Variants in FHOD3 observed in about 807,000 individuals in gnomAD.
FHOD3 encodes formin homology 2 domain containing 3.
A neutral mutation model predicts 173.0 loss-of-function variants in FHOD3; 90 were observed. The ratio of observed to expected loss-of-function variants is 0.52; its 90% CI spans 0.44 to 0.62. The LOEUF (loss-of-function observed/expected upper bound fraction) is 0.62, where lower values mean the gene tolerates loss of function less well. Ranked by LOEUF, FHOD3 falls within the 20% of genes least tolerant of loss-of-function variation. The pLI is 0.00. For synonymous variants in FHOD3, 828 were observed against 823.0 expected (o/e 1.01, Z -0.10); for missense variants, 1,945 against 2,034.7 (o/e 0.96, Z 0.85).
chr18:36,766,730 T>A (rs1448767428), intron 27 of FHOD3, among the ~76,000 whole-genome samples: 1 of 152,136 alleles, frequency 6.6e-6, no homozygotes, highest in Non-Finnish European at 1.5e-5. Flanking sequence ...CCTTTAAGCA[T>A]CTCCTGACAC....
chr18:36,738,726 T>C (rs968213962), intron 20 of FHOD3, among the ~76,000 whole-genome samples: 8 of 152,236 alleles, frequency 5.3e-5, no homozygotes, highest in African/African-American at 1.9e-4. Context: ...TGCACCTTTT[T>C]CAAAATCAAT....
chr18:36,741,383 G>T (rs1194966849), intron 21 of FHOD3, among the ~76,000 whole-genome samples: 1 of 152,192 alleles, frequency 6.6e-6, no homozygotes, highest in Admixed American at 6.5e-5. Flanking sequence ...TTCGCAGGCT[G>T]AACAGAAGGA....
chr18:36,312,738 G>C lies in FHOD3; in HGVS notation c.165+14738G>C, dbSNP rs562192648. Among the ~76,000 whole-genome samples, 48 of 152,358 alleles carry C rather than the reference G, an allele frequency of 3.2e-4. 1 individual carries two copies. In the South Asian group the frequency reaches 8.1e-3, roughly 26 times the overall value. On this transcript the variant is annotated intron_variant, in intron 1 of 28. Coordinates refer to ENST00000590592, the MANE Select transcript of FHOD3 (RefSeq NM_001281740.3). ...ATGAATGGAAAATAAGTTAATGTTTGAGAAAGTGTCAGTCACATGGGGATT... is the reference window on the plus strand; with the variant it reads ...ATGAATGGAAAATAAGTTAATGTTTCAGAAAGTGTCAGTCACATGGGGATT...
intron 7 of FHOD3, among the ~76,000 whole-genome samples, chr18:36,601,485 C>T (rs1355644535): frequency 6.6e-6 from 1 of 152,150 alleles, no homozygotes; most frequent in East Asian, 1.9e-4. Context: ...TCTCCATTCA[C>T]TATTCAGCAG....
At chr18:36,532,115 C>T (rs1378090037) in intron 5 of FHOD3, among the ~76,000 whole-genome samples, 1 of 152,220 alleles carries the variant, frequency 6.6e-6, no homozygotes, top group Non-Finnish European at 1.5e-5. Context: ...GAGGAAAACC[C>T]TAAGTTCCTC....
chr18:36,709,470 C>G, intron 18 of FHOD3, 79 bp downstream of exon 18: 3 of 1,463,906 alleles, frequency 2.0e-6, no homozygotes, highest in Non-Finnish European at 2.8e-6. Context: ...AGAGCTTGTC[C>G]ACAGGCTGGC....
In FHOD3 at chr18:36,473,506, A is replaced by C. The variant is rs573132553; in HGVS notation, c.338-28426A>C. ...TGATCCCTGGGTGATGAGTTAACTC[A>C]TTGAAGTTTGAGAACTGCTAGTGAG... On this transcript the variant is annotated intron_variant, in intron 3 of 28. Transcript: ENST00000590592. Among the ~76,000 whole-genome samples, 7 of 152,364 alleles carry C rather than the reference A, an allele frequency of 4.6e-5. No individual in the cohort carries two copies. The South Asian group carries it at 1.4e-3, about 32-fold the overall frequency.
At position 36,693,341 on chromosome 18, in the gene FHOD3, G is replaced by C. The variant is rs183779102; in HGVS notation, c.2154G>C (p.Leu718=). 231 of 1,613,932 alleles carry C rather than the reference G, an allele frequency of 1.4e-4. 1 individual carries two copies. The East Asian group carries it at 5.1e-3, about 36-fold the overall frequency. ...SPAAPACLAP[L]SHSPSSSDSQ... is the part of the protein sequence containing the mutation. Reference sequence around the variant, plus strand: ...CAGCCCCAGCCTGCCTGGCTCCTCTGAGCCATAGCCCCTCATCTTCAGACT... The same window carrying C: ...CAGCCCCAGCCTGCCTGGCTCCTCTCAGCCATAGCCCCTCATCTTCAGACT... Residue 718 remains leucine, a synonymous_variant, in exon 17 of 29, where the codon CTG becomes CTC. Coordinates refer to ENST00000590592, the MANE Select transcript of FHOD3 (RefSeq NM_001281740.3).
At chr18:36,607,698 A>G (rs983668592) in intron 8 of FHOD3, among the ~76,000 whole-genome samples, 3 of 152,192 alleles carry the variant, frequency 2.0e-5, no homozygotes, top group African/African-American at 7.2e-5. Context: ...TCCTATAAGC[A>G]GTTAAGAGTA....
chr18:36,731,665 G>T (rs1034994858), intron 20 of FHOD3, among the ~76,000 whole-genome samples: 1 of 152,214 alleles, frequency 6.6e-6, no homozygotes, highest in Non-Finnish European at 1.5e-5. Context: ...AGACACTTGG[G>T]CATGGACAGA....
rs187847088 is a variant in FHOD3, at chr18:36,501,163, T to C, written c.338-769T>C. On this transcript the variant is annotated intron_variant, in intron 3 of 28. Coordinates refer to ENST00000590592, the MANE Select transcript of FHOD3 (RefSeq NM_001281740.3). ...ATGTGACTGCTCAACAGTGGGCTTATGGAAGTCAGCCCAAGTCTTCAGCCA... is the reference window on the plus strand; with the variant it reads ...ATGTGACTGCTCAACAGTGGGCTTACGGAAGTCAGCCCAAGTCTTCAGCCA... Among the ~76,000 whole-genome samples, 426 of 152,334 alleles carry C rather than the reference T, an allele frequency of 2.8e-3. 9 individuals carry two copies. The highest frequency in any genetic ancestry group is 5.7e-4 in the Non-Finnish European group (39 of 68,022).
chr18:36,482,257 A>G (rs569078900), intron 3 of FHOD3, among the ~76,000 whole-genome samples: 2 of 152,350 alleles, frequency 1.3e-5, no homozygotes, highest in African/African-American at 2.4e-5. Flanking sequence ...GACAGCACAT[A>G]AGGTAAATCA....
chr18:36,665,813 C>T (rs561681660), intron 14 of FHOD3, among the ~76,000 whole-genome samples: 2 of 152,148 alleles, frequency 1.3e-5, no homozygotes, highest in Admixed American at 6.5e-5. Context: ...CTGGGAGCCA[C>T]GTAACACAGG....
chr18:36,770,857 A>AT (rs2043346490), intron 28 of FHOD3, among the ~76,000 whole-genome samples: 1 of 152,078 alleles, frequency 6.6e-6, no homozygotes, highest in African/African-American at 2.4e-5. Flanking sequence ...TGCCCCTTGG[A>AT]TTAGTGGCAT....
chr18:36,414,934 C>T (rs1010108860), intron 3 of FHOD3, among the ~76,000 whole-genome samples: 2 of 152,116 alleles, frequency 1.3e-5, no homozygotes. Context: ...GGGCAGAGCC[C>T]CTTTTCTCTA....
At chr18:36,625,818 C>A in intron 10 of FHOD3, 69 bp downstream of exon 10, 1 of 1,317,082 alleles carries the variant, frequency 7.6e-7, no homozygotes. Flanking sequence ...CAGGTGCCTG[C>A]CACTCTCCCC....
chr18:36,517,501 AAGAG>A (rs974909281), intron 5 of FHOD3, among the ~76,000 whole-genome samples: 2 of 152,094 alleles, frequency 1.3e-5, no homozygotes, highest in African/African-American at 2.4e-5. Context: ...TGGAGGAGAA[AAGAG>A]AGAGAGAGAT....
chr18:36,369,533 C>G (rs2047075989), intron 2 of FHOD3, among the ~76,000 whole-genome samples: 1 of 128,878 alleles, frequency 7.8e-6, no homozygotes, highest in Non-Finnish European at 1.6e-5. Flanking sequence ...AGAGAGCAAG[C>G]AATATGTGAA....
chr18:36,361,770 G>T (rs946238884), intron 2 of FHOD3, among the ~76,000 whole-genome samples: 7 of 151,866 alleles, frequency 4.6e-5, no homozygotes, highest in Non-Finnish European at 8.8e-5. Context: ...TAGGCTCTCA[G>T]TCTTGGAGAA....
Sources: allele counts gnomAD v4.1 joint callset (sites outside exome capture counted in the v4.1 genomes callset), GRCh38; gene constraint gnomAD v4.1.1; transcripts MANE v1.5; gene names NCBI Gene and HGNC (gene_info 2026-07-23, HGNC 2026-07-21).